RET: variants seen among roughly 807,000 people sequenced by gnomAD.
RET encodes the protein ret proto-oncogene.
Under a neutral mutation model 118.3 loss-of-function variants are expected in RET, and 19 were observed. The ratio of observed to expected loss-of-function variants is 0.16; its 90% CI spans 0.11 to 0.24. RET has a LOEUF of 0.24. Among genes scored for constraint, RET ranks in the 10% least tolerant of loss-of-function variants. The pLI is 1.00. For synonymous variants in RET, 597 were observed against 644.1 expected, an observed-to-expected ratio of 0.93 and a Z score of 1.11; for missense variants, 1,219 against 1,502.1, an observed-to-expected ratio of 0.81 and a Z score of 3.12.
rs760965241 is a variant in RET, at chr10:43,088,041, TGTG to T, written c.73+10726_73+10728del. 8.1e-3 allele frequency among the ~76,000 whole-genome samples: 1,233 copies of T among 151,386 alleles called. 11 individuals carry two copies. The highest frequency in any genetic ancestry group is 0.01 in the South Asian group (50 of 4,770). On this transcript the variant is annotated intron_variant, in intron 1 of 19. Transcript: ENST00000355710. ...GGAAGTCATGATAGTGAGTGGTGGT[TGTG>T]GTGGTGGTGGTGGTGATGGTGAAGA...
chr10:43,102,664 C>A, intron 3 of RET, 35 bp downstream of exon 3: 1 of 1,611,942 alleles, frequency 6.2e-7, no homozygotes, highest in Non-Finnish European at 8.5e-7. Context: ...CCCCACAGTG[C>A]CTGCTACTGC....
intron 2 of RET, 26 bp from the exon 3 acceptor site, chr10:43,102,316 C>G: frequency 6.2e-7 from 1 of 1,612,600 alleles, no homozygotes; most frequent in Admixed American, 1.7e-5. Context: ...GGCCGATGCC[C>G]CCACAGACCT....
chr10:43,101,247 G>GT (rs1837636914), intron 2 of RET, among the ~76,000 whole-genome samples: 1 of 151,918 alleles, frequency 6.6e-6, no homozygotes, highest in African/African-American at 2.4e-5. Context: ...AATGGGAGGG[G>GT]TGGGGGGGAA....
Position 43,100,680 on chromosome 10 carries a change from C to T in RET, c.295C>T (p.Arg99Trp), listed in dbSNP as rs1333641674. 3 of 1,609,718 alleles carry T rather than the reference C, an allele frequency of 1.9e-6. No homozygotes were observed. The highest frequency in any genetic ancestry group is 1.7e-6 in the Non-Finnish European group (2 of 1,178,202). Residue 99 changes from arginine (R) to tryptophan (W), a missense_variant, in exon 2 of 20, where the codon CGG becomes TGG. By Grantham distance (101) the Arg-to-Trp change is moderately radical (BLOSUM62 -3). Coordinates refer to ENST00000355710, the MANE Select transcript of RET (RefSeq NM_020975.6). ...GGACACCGGCCTCCTCTACCTTAAC[C>T]GGAGCCTGGACCATAGCTCCTGGGA... ...QEDTGLLYLNRSLDHSSWEKL... is the reference protein window; with the variant it reads ...QEDTGLLYLNWSLDHSSWEKL...
chr10:43,077,383 C>G (rs1486227727), intron 1 of RET, 52 bp downstream of exon 1: 1 of 1,488,510 alleles, frequency 6.7e-7, no homozygotes, highest in South Asian at 1.3e-5. Flanking sequence ...AAGTTGGCGC[C>G]GAGCAGCGGA....
rs1336544485 is a variant in RET, at chr10:43,129,497, A to G, written c.*1228A>G. ...ACTCATAAGCTTCTTGTCATTCTTC[A>G]TTGCTTGTTTGTGGTCACAGATGCA... On this transcript the variant is annotated 3_prime_UTR_variant, in exon 20 of 20. Coordinates refer to ENST00000355710, the MANE Select transcript of RET (RefSeq NM_020975.6). The G allele has an allele frequency of 4.3e-6, 1 of 234,690 alleles. No homozygotes were observed. The highest frequency in any genetic ancestry group is 6.0e-5 in the East Asian group (1 of 16,616). The allele number at this position is 234,690 out of a possible 1,614,324, so 14.5% of individuals were successfully genotyped here. A position where few individuals can be genotyped will look rare whatever the true frequency, so the allele number is the denominator to read the frequency against.
intron 1 of RET, among the ~76,000 whole-genome samples, chr10:43,097,606 T>A (rs1837548155): frequency 6.6e-6 from 1 of 152,046 alleles, no homozygotes; most frequent in Non-Finnish European, 1.5e-5. Flanking sequence ...TGAGTTACAA[T>A]CTCTCACCCT....
At chr10:43,118,958 T>G (rs191036711) in intron 13 of RET, among the ~76,000 whole-genome samples, 12 of 152,332 alleles carry the variant, frequency 7.9e-5, no homozygotes, top group Non-Finnish European at 1.5e-4. Flanking sequence ...TTGTTGGTTT[T>G]CCAAACCACC....
intron 13 of RET, among the ~76,000 whole-genome samples, chr10:43,119,026 A>G (rs557921971): frequency 1.4e-4 from 21 of 152,290 alleles, no homozygotes; most frequent in African/African-American, 5.1e-4. Context: ...GGGATAGGGA[A>G]CCCAAACACC....
chr10:43,089,833 A>T (rs1484212591), intron 1 of RET, among the ~76,000 whole-genome samples: 2 of 152,258 alleles, frequency 1.3e-5, no homozygotes, highest in African/African-American at 4.8e-5. Context: ...ACTGTCTGTC[A>T]GCCTCATACT....
intron 5 of RET, among the ~76,000 whole-genome samples, chr10:43,107,103 G>T (rs921400853): frequency 3.3e-5 from 5 of 152,190 alleles, no homozygotes; most frequent in African/African-American, 1.2e-4. Context: ...CTTGCTTCCT[G>T]CCTCCCTCCG....
In RET at chr10:43,114,181, C is replaced by T. The variant is rs1326343710; in HGVS notation, c.1880-299C>T. Among the ~76,000 whole-genome samples, 1 of 152,222 alleles carries T rather than the reference C, an allele frequency of 6.6e-6. No individual in the cohort carries two copies. The highest frequency in any genetic ancestry group is 2.4e-5 in the African/African-American group (1 of 41,456). On this transcript the variant is annotated intron_variant, in intron 10 of 19. Transcript: ENST00000355710. This position sits in a 1 kb window ranked among gnomAD's most constrained non-coding sequence, Gnocchi z 4.6. ...GAAAATTTTGACCTCCCCTGCCAGC[C>T]CTCCAGTGCCAGCTGGTGTAATGAG...
intron 11 of RET, 111 bp from the exon 12 acceptor site, chr10:43,116,473 G>A (rs1838072338): frequency 2.2e-6 from 3 of 1,355,362 alleles, no homozygotes; most frequent in Non-Finnish European, 3.2e-6. Flanking sequence ...CCGGTTCTCT[G>A]CACATTGGAA....
chr10:43,102,460 C>A lies in RET; in HGVS notation c.456C>A (p.Thr152=), dbSNP rs750621402. The A allele has an allele frequency of 6.2e-7, 1 of 1,614,286 alleles. No individual in the cohort carries two copies. The highest frequency in any genetic ancestry group is 1.6e-4 in the Middle Eastern group (1 of 6,062). ...GCGTATACTTCTCCTTCTTCAACAC[C>A]TCCTTTCCAGCCTGCAGCTCCCTCA... ...CARVYFSFFN[T]SFPACSSLKP... The change falls in exon 3 of 20, where the codon ACC becomes ACA. Residue 152 remains threonine (T), a synonymous_variant. Coordinates refer to ENST00000355710, the MANE Select transcript of RET (RefSeq NM_020975.6).
chr10:43,116,542 CT>C, intron 11 of RET, 41 bp from the exon 12 acceptor site: 1 of 1,613,108 alleles, frequency 6.2e-7, no homozygotes, highest in Non-Finnish European at 8.5e-7. Flanking sequence ...CATCCTCACA[CT>C]TTTCCCCCCT....
At chr10:43,107,928 G>A (rs1837821561) in intron 5 of RET, among the ~76,000 whole-genome samples, 1 of 152,116 alleles carries the variant, frequency 6.6e-6, no homozygotes, top group Admixed American at 6.6e-5. Flanking sequence ...TTTGCCTAAA[G>A]ACTTCAGGTC....
intron 6 of RET, among the ~76,000 whole-genome samples, chr10:43,110,774 G>A (rs1007741372): frequency 3.9e-5 from 6 of 152,202 alleles, no homozygotes; most frequent in Admixed American, 3.9e-4. Context: ...GTGCACTGAG[G>A]GAGGAGTGAG....
chr10:43,123,625 G>T, intron 16 of RET, 46 bp from the exon 17 acceptor site: 1 of 1,613,544 alleles, frequency 6.2e-7, no homozygotes, highest in Non-Finnish European at 8.5e-7. Context: ...GGAGGGCTCT[G>T]TGAGGGCCAG....
Position 43,106,501 on chromosome 10 carries a change from G to A in RET, c.993G>A (p.Val331=), listed in dbSNP as rs377200874. ...CCTGGGCCCAGCAGACCTTCCGGGT[G>A]GAACACTGGCCCAACGAGACCTCGG... ...GDTWAQQTFR[V]EHWPNETSVQ... is the part of the protein sequence containing the mutation. The change falls in exon 5 of 20, where the codon GTG becomes GTA. Residue 331 remains valine, a synonymous_variant. Coordinates refer to ENST00000355710, the MANE Select transcript of RET (RefSeq NM_020975.6). This position sits in a 1 kb window ranked among gnomAD's most constrained non-coding sequence, Gnocchi z 5.1. The A allele has an allele frequency of 6.2e-7, 1 of 1,613,796 alleles. No individual in the cohort carries two copies.
Sources: gnomAD v4.1 joint callset for allele counts (sites outside exome capture counted in the v4.1 genomes callset) on GRCh38, gnomAD v4.1.1 for gene constraint, Gnocchi (gnomAD v3.1) non-coding constraint, MANE v1.5 for transcripts, NCBI Gene and HGNC (gene_info 2026-07-23, HGNC 2026-07-21) for gene names.